The following CRACD variants were observed in gnomAD, a reference collection of about 807,000 sequenced individuals.
CRACD encodes the protein capping protein-inhibiting regulator of actin dynamics.
In CRACD, 56 loss-of-function variants were observed where a neutral mutation model predicts 106.8. The ratio of observed to expected loss-of-function variants is 0.52; its 90% confidence interval spans 0.42 to 0.66. The LOEUF is 0.66. Among genes scored for constraint, CRACD ranks in the 30% least tolerant of loss-of-function variants. CRACD has a pLI of 0.00. For synonymous variants in CRACD, 754 were observed against 670.8 expected, an observed-to-expected ratio of 1.12 and a Z score of -1.92; for missense variants, 1,730 against 1,623.2, an observed-to-expected ratio of 1.07 and a Z score of -1.13.
chr4:56,223,204 G>A (rs939883608), intron 2 of CRACD, among the ~76,000 whole-genome samples: 5 of 140,824 alleles, frequency 3.6e-5, no homozygotes, highest in South Asian at 2.4e-4. Flanking sequence ...TCTCTTTTTC[G>A]TTTTTCTTGA....
intron 3 of CRACD, among the ~76,000 whole-genome samples, chr4:56,292,564 G>A (rs189461096): frequency 3.3e-3 from 497 of 151,136 alleles, no homozygotes; most frequent in African/African-American, 6.4e-3. Context: ...TTGCTCTGTC[G>A]CCCAGGCTGG....
chr4:56,158,029 T>C (rs886073549), intron 1 of CRACD, among the ~76,000 whole-genome samples: 2 of 152,256 alleles, frequency 1.3e-5, no homozygotes, highest in Non-Finnish European at 2.9e-5. Flanking sequence ...TGGTTACATA[T>C]GTACCTGCTG....
At chr4:56,285,221 A>G (rs990162400) in intron 3 of CRACD, among the ~76,000 whole-genome samples, 1 of 152,290 alleles carries the variant, frequency 6.6e-6, no homozygotes, top group East Asian at 1.9e-4. Flanking sequence ...CCCATGATCC[A>G]ATCACCTCCC....
chr4:56,247,861 A>G (rs182968279), intron 2 of CRACD, among the ~76,000 whole-genome samples: 1,722 of 151,348 alleles, frequency 0.011, 10 homozygotes, highest in Non-Finnish European at 0.017. Context: ...AAAAAAAAAA[A>G]AGAGAGAGAG....
chr4:56,211,202 A>C (rs1413759355), intron 2 of CRACD, among the ~76,000 whole-genome samples: 1 of 152,218 alleles, frequency 6.6e-6, no homozygotes, highest in African/African-American at 2.4e-5. Flanking sequence ...GCCTACTATA[A>C]TACTTATGTC....
chr4:56,168,293 T>C (rs1411788117), intron 1 of CRACD, among the ~76,000 whole-genome samples: 1 of 150,230 alleles, frequency 6.7e-6, no homozygotes, highest in African/African-American at 2.5e-5. Flanking sequence ...TTTTGTTAAA[T>C]GTTTTTTCTG....
chr4:56,140,553 AT>A (rs989927346), intron 1 of CRACD, among the ~76,000 whole-genome samples: 3 of 152,140 alleles, frequency 2.0e-5, no homozygotes, highest in African/African-American at 7.2e-5. Flanking sequence ...TTTATTTCTT[AT>A]TCCTGATAGA....
intron 1 of CRACD, among the ~76,000 whole-genome samples, chr4:56,063,686 G>T (rs1732360420): frequency 6.6e-6 from 1 of 151,866 alleles, no homozygotes; most frequent in South Asian, 2.1e-4. Flanking sequence ...TGCTTTTAAG[G>T]TTCATCCATG....
chr4:56,196,310 C>T (rs1170884226), intron 2 of CRACD: 1 of 152,806 alleles, frequency 6.5e-6, no homozygotes, highest in African/African-American at 2.4e-5. Flanking sequence ...AAGCTTTGTG[C>T]TCATAGATTT....
chr4:56,164,669 G>A (rs912769164), intron 1 of CRACD, among the ~76,000 whole-genome samples: 1 of 152,130 alleles, frequency 6.6e-6, no homozygotes, highest in Non-Finnish European at 1.5e-5. Context: ...GGATGGGATC[G>A]ACTACAGAAG....
rs368793468 is a variant in CRACD at position 56,316,678 on chromosome 4, C to G, written c.3176C>G (p.Ala1059Gly). 1 of 1,607,632 alleles carries G rather than the reference C, an allele frequency of 6.2e-7. No homozygotes were observed. Residue 1059 changes from alanine (A) to glycine (G), a missense_variant, in exon 8 of 11, where the codon GCC becomes GGC. Transcript: ENST00000682029. The stretch of plus-strand genomic sequence containing the variant: ...GAGAAACCTTCTCAAACACCCGAGG[C>G]CGGGAGGAAAGGTAGGTAGCTGCAG... The part of the protein sequence containing the change: ...QQEKPSQTPE[A>G]GRKEKPMLQS...
At chr4:56,326,769 T>C in intron 10 of CRACD, among the ~76,000 whole-genome samples, 1 of 149,542 alleles carries the variant, frequency 6.7e-6, no homozygotes, top group African/African-American at 2.5e-5. Context: ...AAGCAGAGTC[T>C]CTCTCTGTCA....
chr4:56,183,285 T>TAAAATAAAATAAAATA lies in CRACD; in HGVS notation c.-189+3859_-189+3860insTAAAATAAAATAAAAA, dbSNP rs1736931242. Reference sequence around the variant, plus strand: ...TAAAATAAAATAAAATAAAATAAAATAAAAAGAATTAGGGGATTTTGAAAG... The same window carrying TAAAATAAAATAAAATA: ...TAAAATAAAATAAAATAAAATAAAATAAAATAAAATAAAATAAAAAAGAATTAGGGGATTTTGAAAG... On this transcript the variant is annotated intron_variant, in intron 2 of 10. Transcript: ENST00000682029. 1.2e-3 allele frequency among the ~76,000 whole-genome samples: 172 copies of TAAAATAAAATAAAATA among 143,582 alleles called. 1 individual carries two copies. The highest frequency in any genetic ancestry group is 4.4e-3 in the African/African-American group (156 of 35,198). 94.2% of individuals were successfully genotyped at this position (143,582 alleles called of 152,430 possible).
intron 1 of CRACD, among the ~76,000 whole-genome samples, chr4:56,140,989 G>C (rs752480214): frequency 6.6e-6 from 1 of 152,182 alleles, no homozygotes; most frequent in Non-Finnish European, 1.5e-5. Flanking sequence ...CTGTTCTCCA[G>C]TTTATGAACA....
At chr4:56,199,316 A>G (rs1737765356) in intron 2 of CRACD, among the ~76,000 whole-genome samples, 1 of 152,226 alleles carries the variant, frequency 6.6e-6, no homozygotes, top group Non-Finnish European at 1.5e-5. Flanking sequence ...GTTTGGTTAT[A>G]TAGATATTTT....
At chr4:56,069,777 G>T (rs1732575121) in intron 1 of CRACD, among the ~76,000 whole-genome samples, 1 of 152,212 alleles carries the variant, frequency 6.6e-6, no homozygotes, top group Admixed American at 6.5e-5. Flanking sequence ...AGCTGTCTCA[G>T]TCTTTCTCCT....
chr4:56,185,429 G>C (rs570371502), intron 2 of CRACD, among the ~76,000 whole-genome samples: 1 of 151,950 alleles, frequency 6.6e-6, no homozygotes, highest in Non-Finnish European at 1.5e-5. Flanking sequence ...TGAATTTACC[G>C]TTTCTAGATA....
At chr4:56,214,780 A>G (rs1289691673) in intron 2 of CRACD, among the ~76,000 whole-genome samples, 1 of 151,166 alleles carries the variant, frequency 6.6e-6, no homozygotes, top group Non-Finnish European at 1.5e-5. Flanking sequence ...TGGGAGGCCA[A>G]GGTAGGCAAA....
At chr4:56,256,258 G>C (rs1024043211) in intron 2 of CRACD, among the ~76,000 whole-genome samples, 5 of 152,142 alleles carry the variant, frequency 3.3e-5, no homozygotes, top group Non-Finnish European at 1.5e-5. Context: ...GTCTCAAGAG[G>C]TCAGATGGTT....
Sources: allele counts gnomAD v4.1 joint callset (sites outside exome capture counted in the v4.1 genomes callset), GRCh38; gene constraint gnomAD v4.1.1; transcripts MANE v1.5; gene names NCBI Gene and HGNC (gene_info 2026-07-23, HGNC 2026-07-21).